The following DOCK4 variants were observed in gnomAD, a reference collection of about 807,000 sequenced individuals.
The protein encoded by DOCK4 is dedicator of cytokinesis protein 4.
In DOCK4, 97 loss-of-function variants were observed where a neutral mutation model predicts 268.1. The ratio of observed to expected loss-of-function variants is 0.36; its 90% CI spans 0.31 to 0.43. DOCK4 has a LOEUF of 0.43. DOCK4 is among the 20% of genes least tolerant of loss of function. The pLI, the probability that DOCK4 is intolerant of heterozygous loss-of-function variation, is 1.00. For missense variants in DOCK4, 2,145 were observed against 2,455.7 expected (o/e 0.87, Z 2.67); for synonymous variants, 954 against 887.2 (o/e 1.08, Z -1.34).
rs140078077 is a variant in DOCK4 at position 111,886,143 on chromosome 7, C to A, written c.1588-8957G>T. On this transcript the variant is annotated intron_variant, in intron 16 of 52. Transcript: ENST00000428084. ...TGGCACAGGAATTCATGGAATTAGT[C>A]AAATTAAGGGGTCTGTAACTTGTGA... 1.0e-3 allele frequency among the ~76,000 whole-genome samples: 152 copies of A among 152,070 alleles called. 1 individual carries two copies. Among genetic ancestry groups the A allele is most frequent in the African/African-American group, 3.6e-3 (150 of 41,486 alleles).
intron 1 of DOCK4, among the ~76,000 whole-genome samples, chr7:112,030,934 G>A (rs2135456609): frequency 6.6e-6 from 1 of 152,336 alleles, no homozygotes; most frequent in East Asian, 1.9e-4. Context: ...GTAGGACAAG[G>A]ATGATGCCTT....
At chr7:112,185,161 G>C (rs1031253162) in intron 1 of DOCK4, among the ~76,000 whole-genome samples, 1 of 152,174 alleles carries the variant, frequency 6.6e-6, no homozygotes, top group African/African-American at 2.4e-5. Context: ...CAGTGTGGGG[G>C]CCACAGCTGG....
chr7:112,200,732 A>AAAAAT (rs1554478902), intron 1 of DOCK4, among the ~76,000 whole-genome samples: 9 of 116,656 alleles, frequency 7.7e-5, no homozygotes, highest in Non-Finnish European at 1.5e-4. Flanking sequence ...AAATAAAAAA[A>AAAAAT]AAAAAACAAA....
chr7:111,727,975 A>G lies in DOCK4; in HGVS notation c.*299T>C, dbSNP rs991405552. 29 of 298,222 alleles carry G rather than the reference A, an allele frequency of 9.7e-5. No individual in the cohort carries two copies. The highest frequency in any genetic ancestry group is 6.5e-4 in the Admixed American group (13 of 19,954). The allele number at this position is 298,222 out of a possible 1,614,324, so 18.5% of individuals were successfully genotyped here. ...GTTTGACAATATCGTATTGGTTTTA[A>G]GATTAAACTATATAAAAAAAAGTGA... On this transcript the variant is annotated 3_prime_UTR_variant, in exon 53 of 53. Coordinates refer to ENST00000428084, the MANE Select transcript of DOCK4 (RefSeq NM_001363540.2).
In DOCK4 at chr7:111,982,679, A is replaced by T. The variant is rs531638774; in HGVS notation, c.549+1627T>A. Among the ~76,000 whole-genome samples the T allele has an allele frequency of 2.6e-5, 4 of 152,344 alleles. No homozygotes were observed. In the South Asian group the frequency reaches 8.3e-4, roughly 32 times the overall value. The stretch of plus-strand genomic sequence containing the variant: ...TAAATGTAGTTGTTTGGAGCCAATA[A>T]TCCAGTCTTTTCATGATACCATAAT... On this transcript the variant is annotated intron_variant, in intron 7 of 52. Coordinates refer to ENST00000428084, the MANE Select transcript of DOCK4 (RefSeq NM_001363540.2).
At chr7:112,126,789 C>A (rs1311332396) in intron 1 of DOCK4, among the ~76,000 whole-genome samples, 3 of 152,082 alleles carry the variant, frequency 2.0e-5, no homozygotes, top group Non-Finnish European at 4.4e-5. Flanking sequence ...ATTTATGCAG[C>A]CAAAAGACAC....
chr7:111,745,212 G>T (rs560229905), intron 44 of DOCK4, among the ~76,000 whole-genome samples: 38 of 152,252 alleles, frequency 2.5e-4, no homozygotes, highest in African/African-American at 9.1e-4. Flanking sequence ...ATGATGAGTT[G>T]TATGTAGTTT....
At chr7:111,922,630 G>A (rs987163301) in intron 12 of DOCK4, among the ~76,000 whole-genome samples, 1 of 152,112 alleles carries the variant, frequency 6.6e-6, no homozygotes, top group Non-Finnish European at 1.5e-5. Flanking sequence ...CGCCCAGGCT[G>A]GAGTGCAGTG....
chr7:111,936,515 T>TGGATGGATGGATGGAC (rs1267075407), intron 11 of DOCK4, among the ~76,000 whole-genome samples: 14 of 152,030 alleles, frequency 9.2e-5, no homozygotes, highest in Non-Finnish European at 1.6e-4. Context: ...GATGGATGGA[T>TGGATGGATGGATGGAC]GGATGGATGG....
At chr7:112,065,828 G>T (rs1287306005) in intron 1 of DOCK4, among the ~76,000 whole-genome samples, 1 of 152,068 alleles carries the variant, frequency 6.6e-6, no homozygotes, top group Non-Finnish European at 1.5e-5. Flanking sequence ...CACTGTTGAT[G>T]GAATTATTAA....
At chr7:111,984,281 G>A (rs1798867546) in intron 7 of DOCK4, 25 bp downstream of exon 7, 2 of 1,592,850 alleles carry the variant, frequency 1.3e-6, no homozygotes, top group African/African-American at 1.3e-5. Context: ...CAGGAAGACT[G>A]GAAGCCAAGA....
chr7:112,187,568 C>T (rs1165164302), intron 1 of DOCK4, among the ~76,000 whole-genome samples: 1 of 152,104 alleles, frequency 6.6e-6, no homozygotes, highest in Non-Finnish European at 1.5e-5. Context: ...TATAACCAAA[C>T]CCAAAAAAGA....
chr7:112,009,468 T>C (rs1481629643), intron 1 of DOCK4, among the ~76,000 whole-genome samples: 1 of 152,200 alleles, frequency 6.6e-6, no homozygotes, highest in Non-Finnish European at 1.5e-5. Context: ...GAATTAAATA[T>C]AAAATTTTAT....
At position 112,198,318 on chromosome 7, in the gene DOCK4, C is replaced by A. The variant is rs183285542; in HGVS notation, c.37+7784G>T. ...CCAGGAAGAAGGCCCTCACCAGGAA[C>A]TGACTCAGCCAACACCTTGATCTTG... On this transcript the variant is annotated intron_variant, in intron 1 of 52. Coordinates refer to ENST00000428084, the MANE Select transcript of DOCK4 (RefSeq NM_001363540.2). Among the ~76,000 whole-genome samples the A allele has an allele frequency of 3.3e-3, 498 of 152,288 alleles. 6 individuals are homozygous for A. Among genetic ancestry groups the A allele is most frequent in the East Asian group, 0.029 (152 of 5,172 alleles).
intron 1 of DOCK4, among the ~76,000 whole-genome samples, chr7:112,100,445 T>A (rs1810575371): frequency 6.6e-6 from 1 of 152,204 alleles, no homozygotes; most frequent in South Asian, 2.1e-4. Context: ...ACACAGATGC[T>A]CCAGTTTTTT....
At chr7:112,197,549 C>T (rs372669637) in intron 1 of DOCK4, among the ~76,000 whole-genome samples, 2 of 152,170 alleles carry the variant, frequency 1.3e-5, no homozygotes, top group Non-Finnish European at 2.9e-5. Context: ...AGCTAGGCAA[C>T]GCCCTAGAGG....
At chr7:111,850,206 C>T (rs1186477735) in intron 23 of DOCK4, among the ~76,000 whole-genome samples, 1 of 152,030 alleles carries the variant, frequency 6.6e-6, no homozygotes, top group Non-Finnish European at 1.5e-5. Flanking sequence ...GATTGGGTTC[C>T]TCATCCTCCA....
At chr7:112,105,458 T>C (rs758274104) in intron 1 of DOCK4, among the ~76,000 whole-genome samples, 15 of 151,990 alleles carry the variant, frequency 9.9e-5, no homozygotes, top group Non-Finnish European at 1.6e-4. Flanking sequence ...TACATCATCA[T>C]GAGAGTGAAA....
intron 8 of DOCK4, among the ~76,000 whole-genome samples, chr7:111,974,821 G>A (rs378514): frequency 0.045 from 6,777 of 152,210 alleles, 218 homozygotes; most frequent in Non-Finnish European, 0.072. Flanking sequence ...GGAGCACTCT[G>A]AAGATCAATA....
Sources: gnomAD v4.1 joint callset for allele counts (sites outside exome capture counted in the v4.1 genomes callset) on GRCh38, gnomAD v4.1.1 for gene constraint, MANE v1.5 for transcripts, NCBI Gene and HGNC (gene_info 2026-07-23, HGNC 2026-07-21) for gene names.